The following ZC3H12B variants were observed in gnomAD, a reference collection of about 807,000 sequenced individuals.
ZC3H12B encodes probable ribonuclease ZC3H12B.
Under a neutral mutation model 43.9 loss-of-function variants are expected in ZC3H12B, and 7 were observed. The ratio of observed to expected loss-of-function variants is 0.16; its 90% CI spans 0.09 to 0.30. ZC3H12B has a LOEUF of 0.30. ZC3H12B is among the 10% of genes least tolerant of loss of function. ZC3H12B has a pLI of 1.00. For missense variants in ZC3H12B, 475 were observed against 670.2 expected (o/e 0.71, Z 3.22); for synonymous variants, 222 against 241.7 (o/e 0.92, Z 0.76).
chrX:65,119,912 C>A, the ZC3H12B span, among the ~76,000 whole-genome samples: 1 of 111,811 alleles, frequency 8.9e-6, no homozygotes, highest in Non-Finnish European at 1.9e-5. Flanking sequence ...GAACCCTTTC[C>A]CCATTTCTGG....
the ZC3H12B span, among the ~76,000 whole-genome samples, chrX:65,142,294 G>T: frequency 3.6e-5 from 4 of 111,962 alleles, no homozygotes; most frequent in Non-Finnish European, 7.5e-5. Flanking sequence ...GTGGCTATTT[G>T]TACATCTTAT....
chrX:65,048,728 G>A, the ZC3H12B span, among the ~76,000 whole-genome samples: 1 of 111,200 alleles, frequency 9.0e-6, no homozygotes, highest in African/African-American at 3.3e-5. Context: ...TGTGGCATGA[G>A]CAGCTGTAAT....
At chrX:65,129,076 G>C in the ZC3H12B span, among the ~76,000 whole-genome samples, 26,276 of 109,297 alleles carry the variant, frequency 0.24, 7,683 homozygotes, top group African/African-American at 0.83. Flanking sequence ...TAAGTCTGCC[G>C]TTTTATTGTT....
At chrX:65,384,549 G>T (rs1269829068) in intron 2 of ZC3H12B, among the ~76,000 whole-genome samples, 6 of 110,905 alleles carry the variant, frequency 5.4e-5, no homozygotes, top group Non-Finnish European at 1.1e-4. Flanking sequence ...GGAAAAAAAA[G>T]TTGGTATTCC....
At chrX:65,093,777 T>A in the ZC3H12B span, among the ~76,000 whole-genome samples, 29 of 112,138 alleles carry the variant, frequency 2.6e-4, no homozygotes, top group Non-Finnish European at 5.1e-4. Flanking sequence ...GGGACTAGCC[T>A]TTTGTCTCAG....
At chrX:65,362,634 A>T (rs181516276), upstream of ZC3H12B, among the ~76,000 whole-genome samples, 8 of 110,037 alleles carry the variant, frequency 7.3e-5, no homozygotes, top group East Asian at 2.0e-3. Context: ...GCAACCAATC[A>T]CATTCCCATT....
At chrX:65,454,632 T>C (rs929468008) in intron 3 of ZC3H12B, among the ~76,000 whole-genome samples, 2 of 111,754 alleles carry the variant, frequency 1.8e-5, no homozygotes, top group African/African-American at 6.5e-5. Context: ...AAGAGAGTAG[T>C]GGTTCTCCAG....
intron 3 of ZC3H12B, among the ~76,000 whole-genome samples, chrX:65,421,629 C>T (rs1011396783): frequency 2.7e-5 from 3 of 112,435 alleles, no homozygotes; most frequent in Non-Finnish European, 5.6e-5. Context: ...TTTCACACAG[C>T]ATTGCTTCTG....
chrX:65,390,320 G>A (rs1041623605), intron 2 of ZC3H12B, among the ~76,000 whole-genome samples: 1 of 110,468 alleles, frequency 9.1e-6, no homozygotes, highest in Non-Finnish European at 1.9e-5. Context: ...TGAGTTAATG[G>A]GTGTAGCCCA....
intron 3 of ZC3H12B, among the ~76,000 whole-genome samples, chrX:65,452,651 G>A (rs1286768381): frequency 9.0e-6 from 1 of 111,534 alleles, no homozygotes; most frequent in Non-Finnish European, 1.9e-5. Context: ...GACCAGCCTG[G>A]CCAACATGGT....
chrX:65,200,889 C>T, the ZC3H12B span, among the ~76,000 whole-genome samples: 75 of 111,616 alleles, frequency 6.7e-4, no homozygotes, highest in African/African-American at 2.1e-3. Flanking sequence ...GAGGATGAAG[C>T]GGACTTGATC....
At chrX:65,279,343 T>C in the ZC3H12B span, among the ~76,000 whole-genome samples, 7 of 107,178 alleles carry the variant, frequency 6.5e-5, no homozygotes, top group African/African-American at 2.1e-4. Flanking sequence ...ATTCTGAGTG[T>C]TGTGAGATGG....
chrX:65,435,286 A>G (rs2067206504), intron 3 of ZC3H12B, among the ~76,000 whole-genome samples: 2 of 111,944 alleles, frequency 1.8e-5, no homozygotes, highest in Admixed American at 1.9e-4. Context: ...TTATCACTTC[A>G]TCCAGCAACA....
the ZC3H12B span, among the ~76,000 whole-genome samples, chrX:65,359,439 A>T: frequency 8.9e-6 from 1 of 112,260 alleles, no homozygotes; most frequent in African/African-American, 3.2e-5. Context: ...TCTCGCCATT[A>T]AGAACTTGTG....
At chrX:65,102,295 G>T in the ZC3H12B span, among the ~76,000 whole-genome samples, 1 of 111,686 alleles carries the variant, frequency 9.0e-6, no homozygotes, top group Admixed American at 9.5e-5. Flanking sequence ...ATGGGCAAAG[G>T]CTGGAAGCAT....
chrX:65,454,938 T>TA (rs1248410716), intron 3 of ZC3H12B, among the ~76,000 whole-genome samples: 1 of 111,712 alleles, frequency 9.0e-6, no homozygotes, highest in Non-Finnish European at 1.9e-5. Context: ...GAAGGAAAAC[T>TA]AAAAAACAGA....
At chrX:65,209,947 C>T in the ZC3H12B span, among the ~76,000 whole-genome samples, 39 of 90,304 alleles carry the variant, frequency 4.3e-4, no homozygotes, top group Admixed American at 4.7e-4. Flanking sequence ...AAACATTAGA[C>T]CTAAAACCAT....
chrX:65,353,658 T>A, the ZC3H12B span, among the ~76,000 whole-genome samples: 3 of 111,968 alleles, frequency 2.7e-5, no homozygotes, highest in African/African-American at 6.5e-5. Context: ...GGGAGTCAAG[T>A]GGTCTAGATC....
chrX:65,309,500 A>T, the ZC3H12B span, among the ~76,000 whole-genome samples: 1 of 112,107 alleles, frequency 8.9e-6, no homozygotes, highest in Non-Finnish European at 1.9e-5. Context: ...TCAGGCAATA[A>T]TTAATAGCCT....
Sources: allele counts gnomAD v4.1 joint callset (sites outside exome capture counted in the v4.1 genomes callset), GRCh38; gene constraint gnomAD v4.1.1; transcripts MANE v1.5; gene names NCBI Gene and HGNC (gene_info 2026-07-23, HGNC 2026-07-21).